Variants in SMOC2 observed in about 807,000 individuals in gnomAD.
The protein encoded by SMOC2 is SPARC-related modular calcium-binding protein 2.
SMOC2 carries 39 observed loss-of-function variants against 61.4 expected under a neutral mutation model. The ratio of observed to expected loss-of-function variants is 0.64; its 90% CI spans 0.49 to 0.83. The LOEUF (loss-of-function observed/expected upper bound fraction) is 0.83, where lower values mean the gene tolerates loss of function less well. SMOC2 is among the 40% of genes least tolerant of loss of function. The pLI, the probability that SMOC2 is intolerant of heterozygous loss-of-function variation, is 0.00. For synonymous variants in SMOC2, 247 were observed against 239.9 expected (o/e 1.03, Z -0.27); for missense variants, 556 against 592.9 (o/e 0.94, Z 0.65).
At chr6:168,489,299 G>A (rs972281670) in intron 1 of SMOC2, among the ~76,000 whole-genome samples, 2 of 149,856 alleles carry the variant, frequency 1.3e-5, no homozygotes, top group African/African-American at 5.0e-5. Context: ...GTTTTAGAGG[G>A]AAATATATCG....
intron 4 of SMOC2, among the ~76,000 whole-genome samples, chr6:168,538,989 C>T (rs553358032): frequency 5.7e-4 from 86 of 152,198 alleles, no homozygotes; most frequent in Admixed American, 4.2e-3. Flanking sequence ...TCAGGGACGC[C>T]GGCAGTCAAC....
intron 9 of SMOC2, among the ~76,000 whole-genome samples, chr6:168,615,143 G>C (rs1583162457): frequency 4.3e-4 from 2 of 4,654 alleles, no homozygotes; most frequent in Non-Finnish European, 1.0e-3. Context: ...AGCCAGCACA[G>C]GGGGCCTCTT....
chr6:168,493,231 T>G (rs1436286861), intron 1 of SMOC2, among the ~76,000 whole-genome samples: 2 of 152,066 alleles, frequency 1.3e-5, no homozygotes, highest in Non-Finnish European at 2.9e-5. Context: ...GAGACGAGGT[T>G]CCACCATATT....
chr6:168,510,325 A>G (rs1463141009), intron 2 of SMOC2, among the ~76,000 whole-genome samples: 5 of 152,158 alleles, frequency 3.3e-5, no homozygotes, highest in Admixed American at 6.6e-5. Flanking sequence ...AATTTATCCA[A>G]ATATTTCAGT....
chr6:168,599,743 T>C (rs1785484052), intron 8 of SMOC2, among the ~76,000 whole-genome samples: 1 of 114,634 alleles, frequency 8.7e-6, no homozygotes, highest in Non-Finnish European at 1.7e-5. Context: ...CACACACTCA[T>C]ACCCACACTC....
chr6:168,623,989 G>C (rs1786318634), intron 9 of SMOC2, among the ~76,000 whole-genome samples: 1 of 152,200 alleles, frequency 6.6e-6, no homozygotes, highest in South Asian at 2.1e-4. Context: ...TCGCCGCAGA[G>C]GAGGCTCCTG....
chr6:168,620,292 C>T lies in SMOC2; in HGVS notation c.907+12053C>T, dbSNP rs1359296958. On this transcript the variant is annotated intron_variant, in intron 9 of 12. Transcript: ENST00000356284. ...TGGTGCCTTCTCTGCTTTACCTTCT[C>T]ATGAGAATTACAAATCCCTTTGTTT... Among the ~76,000 whole-genome samples the T allele has an allele frequency of 2.6e-5, 4 of 152,208 alleles. No individual in the cohort carries two copies. In the East Asian group the frequency reaches 7.7e-4, roughly 29 times the overall value.
At chr6:168,659,509 TG>T in intron 11 of SMOC2, among the ~76,000 whole-genome samples, 1 of 152,204 alleles carries the variant, frequency 6.6e-6, no homozygotes. Context: ...TTGGTGAGGG[TG>T]GAGGTTGTAG....
intron 1 of SMOC2, among the ~76,000 whole-genome samples, chr6:168,507,018 T>G (rs1782886625): frequency 6.6e-6 from 1 of 152,238 alleles, no homozygotes; most frequent in Non-Finnish European, 1.5e-5. Context: ...ATAACCTGTA[T>G]GTTCTCTTAT....
chr6:168,512,451 C>A (rs896846933), intron 2 of SMOC2, among the ~76,000 whole-genome samples: 4 of 152,166 alleles, frequency 2.6e-5, no homozygotes, highest in African/African-American at 9.7e-5. Flanking sequence ...GGGTGAGCTA[C>A]TTTCAAAGGG....
Position 168,653,128 on chromosome 6 carries a change from C to T in SMOC2, c.1185C>T (p.Tyr395=), listed in dbSNP as rs569114143. 56 of 1,614,214 alleles carry T rather than the reference C, an allele frequency of 3.5e-5. No individual in the cohort carries two copies. The South Asian group carries it at 5.7e-4, about 16-fold the overall frequency. ...PKKCVKKFVE[Y]CDVNNDKSIS... The stretch of plus-strand genomic sequence containing the variant: ...AATGTGTGAAGAAGTTTGTTGAATA[C>T]TGTGACGTGAATAATGACAAATCCA... Residue 395 remains tyrosine (Y), a synonymous_variant, in exon 11 of 13, where the codon TAC becomes TAT. Coordinates refer to ENST00000356284, the MANE Select transcript of SMOC2 (RefSeq NM_001166412.2).
chr6:168,452,836 C>T lies in SMOC2; in HGVS notation c.84+11382C>T, dbSNP rs764686479. The stretch of plus-strand genomic sequence containing the variant: ...GAAGGCAGCAGGAAGGAGGGCAGCC[C>T]GCCAGGCCGAGGCTTTTGTCCTGCT... On this transcript the variant is annotated intron_variant, in intron 1 of 12. Transcript: ENST00000356284. This position sits in a 1 kb window ranked among gnomAD's most constrained non-coding sequence, Gnocchi z 5.0. 2.6e-5 allele frequency among the ~76,000 whole-genome samples: 4 copies of T among 152,214 alleles called. No individual in the cohort carries two copies. The highest frequency in any genetic ancestry group is 1.5e-5 in the Non-Finnish European group (1 of 68,038).
intron 1 of SMOC2, among the ~76,000 whole-genome samples, chr6:168,459,735 G>C (rs1781677930): frequency 6.9e-6 from 1 of 145,558 alleles, no homozygotes. Context: ...CACTGGAGTG[G>C]GTGGGCCTTG....
chr6:168,461,539 A>G (rs1400827595), intron 1 of SMOC2, among the ~76,000 whole-genome samples: 1 of 152,158 alleles, frequency 6.6e-6, no homozygotes, highest in Non-Finnish European at 1.5e-5. Flanking sequence ...TTAATCTTTT[A>G]GTGGTTTTCA....
chr6:168,538,816 C>CCTGCTGGAAT (rs1295465758), intron 4 of SMOC2, among the ~76,000 whole-genome samples: 1 of 126,450 alleles, frequency 7.9e-6, no homozygotes, highest in African/African-American at 3.0e-5. Flanking sequence ...TGGGGTGACC[C>CCTGCTGGAAT]CTGCTGGAAT....
chr6:168,500,596 C>T (rs1017750250), intron 1 of SMOC2, among the ~76,000 whole-genome samples: 2 of 152,184 alleles, frequency 1.3e-5, no homozygotes, highest in Non-Finnish European at 1.5e-5. Flanking sequence ...GTAGGGACCC[C>T]GGGTGGCTAC....
chr6:168,506,088 C>T (rs1300958401), intron 1 of SMOC2, among the ~76,000 whole-genome samples: 1 of 152,004 alleles, frequency 6.6e-6, no homozygotes, highest in African/African-American at 2.4e-5. Flanking sequence ...CTCACTGCAA[C>T]CTCCCATTCC....
chr6:168,603,996 G>A (rs1311234727), intron 8 of SMOC2, among the ~76,000 whole-genome samples: 1 of 152,230 alleles, frequency 6.6e-6, no homozygotes, highest in Non-Finnish European at 1.5e-5. Flanking sequence ...ACCAGAGATG[G>A]CATGATCTCC....
At chr6:168,571,023 T>C (rs1415532707) in intron 7 of SMOC2, among the ~76,000 whole-genome samples, 1 of 151,894 alleles carries the variant, frequency 6.6e-6, no homozygotes, top group Non-Finnish European at 1.5e-5. Context: ...AGGAGGGGAG[T>C]TCAGGGTTTC....
Sources: gnomAD v4.1 joint callset for allele counts (sites outside exome capture counted in the v4.1 genomes callset) on GRCh38, gnomAD v4.1.1 for gene constraint, Gnocchi (gnomAD v3.1) non-coding constraint, MANE v1.5 for transcripts, NCBI Gene and HGNC (gene_info 2026-07-23, HGNC 2026-07-21) for gene names.